Variants in PCDHA1 observed in about 807,000 individuals in gnomAD.
PCDHA1 encodes protocadherin alpha 1.
Under a neutral mutation model 61.3 loss-of-function variants are expected in PCDHA1, and 42 were observed. The observed-to-expected ratio is 0.69, with a 90% CI of 0.54 to 0.89. The LOEUF (loss-of-function observed/expected upper bound fraction) is 0.89, where lower values mean the gene tolerates loss of function less well. Ranked by LOEUF, PCDHA1 falls within the 40% of genes least tolerant of loss-of-function variation. The pLI is 0.00. For missense variants in PCDHA1, 1,256 were observed against 1,235.3 expected, an observed-to-expected ratio of 1.02 and a Z score of -0.25; for synonymous variants, 610 against 553.8, an observed-to-expected ratio of 1.10 and a Z score of -1.43.
At chr5:140,809,607 A>G (rs1554125314) in intron 1 of PCDHA1, 2 of 1,523,828 alleles carry the variant, frequency 1.3e-6, no homozygotes, top group Non-Finnish European at 1.8e-6. Context: ...TAATTTTCGT[A>G]TTGTTTTTCT....
intron 1 of PCDHA1, among the ~76,000 whole-genome samples, chr5:140,920,232 A>C (rs1463016764): frequency 6.6e-6 from 1 of 152,232 alleles, no homozygotes; most frequent in African/African-American, 2.4e-5. Flanking sequence ...ATAGTATTAT[A>C]TACCCAACAA....
chr5:140,997,156 C>G (rs1266627646), intron 3 of PCDHA1, among the ~76,000 whole-genome samples: 1 of 152,106 alleles, frequency 6.6e-6, no homozygotes, highest in Non-Finnish European at 1.5e-5. Flanking sequence ...CAGTGACATC[C>G]TGCCCAGAGT....
intron 3 of PCDHA1, among the ~76,000 whole-genome samples, chr5:140,993,787 A>AT (rs1554253947): frequency 6.6e-6 from 1 of 152,196 alleles, no homozygotes; most frequent in Non-Finnish European, 1.5e-5. Context: ...GTACAGTAAC[A>AT]TGCTGTGCAG....
At chr5:140,815,933 T>C (rs1581740535) in intron 1 of PCDHA1, 1 of 152,220 alleles carries the variant, frequency 6.6e-6, no homozygotes, top group African/African-American at 2.4e-5. Context: ...AGGTTTCTAC[T>C]GAGAAATCTA....
intron 1 of PCDHA1, chr5:140,809,014 C>T: frequency 6.2e-7 from 1 of 1,613,716 alleles, no homozygotes; most frequent in East Asian, 2.2e-5. Flanking sequence ...GGCTTTCGTA[C>T]GAGCTGCAGC....
intron 1 of PCDHA1, among the ~76,000 whole-genome samples, chr5:140,975,450 G>T (rs1175028711): frequency 6.6e-6 from 1 of 152,174 alleles, no homozygotes. Context: ...AGGGATCTTG[G>T]GGCCATCTTG....
At chr5:140,830,160 A>T in intron 1 of PCDHA1, 1 of 1,613,422 alleles carries the variant, frequency 6.2e-7, no homozygotes, top group Non-Finnish European at 8.5e-7. Context: ...GCGGGCCCAG[A>T]GGCGGCGCTG....
intron 1 of PCDHA1, chr5:140,884,253 C>T (rs1356283866): frequency 6.2e-7 from 1 of 1,613,418 alleles, no homozygotes; most frequent in East Asian, 2.2e-5. Context: ...CTGACGGCCA[C>T]GGCAACGGTG....
intron 1 of PCDHA1, among the ~76,000 whole-genome samples, chr5:140,940,877 T>G (rs2092697297): frequency 2.0e-5 from 3 of 152,378 alleles, no homozygotes; most frequent in East Asian, 3.9e-4. Flanking sequence ...GAGTGAATAC[T>G]ACTGCTAGTA....
intron 1 of PCDHA1, chr5:140,860,153 GTATATATATATGTA>G (rs1410832204): frequency 1.4e-5 from 2 of 147,972 alleles, no homozygotes; most frequent in Admixed American, 1.4e-4. Flanking sequence ...GTATATATGT[GTATATATATATGTA>G]TATATATATG....
At chr5:140,838,126 GTGTGTT>G (rs1562369435) in intron 1 of PCDHA1, among the ~76,000 whole-genome samples, 1 of 138,748 alleles carries the variant, frequency 7.2e-6, no homozygotes, top group Admixed American at 7.2e-5. Context: ...GTGTGTGTGT[GTGTGTT>G]TGACAGAGTT....
intron 1 of PCDHA1, chr5:140,967,878 A>G: frequency 6.2e-7 from 1 of 1,614,152 alleles, no homozygotes; most frequent in Non-Finnish European, 8.5e-7. Flanking sequence ...ACGGACCTGT[A>G]TAGCCCAGTG....
intron 1 of PCDHA1, chr5:140,808,051 T>A: frequency 6.2e-7 from 1 of 1,614,058 alleles, no homozygotes; most frequent in Middle Eastern, 1.6e-4. Context: ...TTTCGCCAAA[T>A]GTGAAATCCA....
rs1357765961 is a variant in PCDHA1 at position 140,802,908 on chromosome 5, G to C, written c.2394+14224G>C. On this transcript the variant is annotated intron_variant, in intron 1 of 3. Coordinates refer to ENST00000504120, the MANE Select transcript of PCDHA1 (RefSeq NM_018900.4). ...GCCGGCACTGCTGATGCCTCGGGTGGGTGGCATCGGTGGCGCAGTGAGCGA... is the reference window on the plus strand; with the variant it reads ...GCCGGCACTGCTGATGCCTCGGGTGCGTGGCATCGGTGGCGCAGTGAGCGA... 2.5e-6 allele frequency: 4 copies of C among 1,613,754 alleles called. No homozygotes were observed. Among genetic ancestry groups the C allele is most frequent in the Non-Finnish European group, 3.4e-6 (4 of 1,179,884 alleles).
At chr5:140,969,535 T>C (rs1221394283) in intron 1 of PCDHA1, 27 of 1,341,822 alleles carry the variant, frequency 2.0e-5, no homozygotes, top group Non-Finnish European at 2.5e-5. Flanking sequence ...TTTTTCATTT[T>C]CAGAGGCATG....
At chr5:140,996,123 G>A (rs1554255007) in intron 3 of PCDHA1, among the ~76,000 whole-genome samples, 2 of 152,238 alleles carry the variant, frequency 1.3e-5, no homozygotes, top group African/African-American at 2.4e-5. Flanking sequence ...GCAGGGTGGT[G>A]TAGAGGGTTC....
At chr5:140,899,431 T>C (rs1271468350) in intron 1 of PCDHA1, among the ~76,000 whole-genome samples, 2 of 152,242 alleles carry the variant, frequency 1.3e-5, no homozygotes, top group Non-Finnish European at 2.9e-5. Context: ...AGGTCTTTTC[T>C]GCATCTATTG....
intron 1 of PCDHA1, chr5:140,856,371 T>G: frequency 6.3e-7 from 1 of 1,598,432 alleles, no homozygotes; most frequent in South Asian, 1.1e-5. Flanking sequence ...CTGGAGGTGA[T>G]CGTGGACAGG....
At chr5:140,843,068 C>G in intron 1 of PCDHA1, 1 of 1,595,216 alleles carries the variant, frequency 6.3e-7, no homozygotes, top group East Asian at 2.2e-5. Context: ...GCTGGTGCCG[C>G]GGTCTGTGGG....
Sources: gnomAD v4.1 joint callset for allele counts (sites outside exome capture counted in the v4.1 genomes callset) on GRCh38, gnomAD v4.1.1 for gene constraint, MANE v1.5 for transcripts, NCBI Gene and HGNC (gene_info 2026-07-23, HGNC 2026-07-21) for gene names.